The following XIRP2 variants were observed in gnomAD, a reference collection of about 807,000 sequenced individuals.
The protein encoded by XIRP2 is xin actin binding repeat containing 2, also known as xin actin-binding repeat-containing protein 2.
XIRP2 carries 236 observed loss-of-function variants against 277.0 expected under a neutral mutation model. The ratio of observed to expected loss-of-function variants is 0.85; its 90% CI spans 0.77 to 0.95. The LOEUF is 0.95. XIRP2 is among the 40% of genes least tolerant of loss of function. The probability of loss-of-function intolerance (pLI) is 0.00; values close to 1 mark genes in which losing one functional copy is unlikely to be tolerated. For missense variants in XIRP2, 4,640 were observed against 4,157.5 expected, an observed-to-expected ratio of 1.12 and a Z score of -3.19; for synonymous variants, 1,490 against 1,416.5, an observed-to-expected ratio of 1.05 and a Z score of -1.17.
At chr2:167,113,713 G>A (rs1234391582) in intron 2 of XIRP2, among the ~76,000 whole-genome samples, 2 of 152,112 alleles carry the variant, frequency 1.3e-5, no homozygotes, top group Non-Finnish European at 2.9e-5. Flanking sequence ...AGACTTGTTT[G>A]TGTGGTTATT....
At chr2:167,009,659 G>A (rs2105467709) in intron 2 of XIRP2, among the ~76,000 whole-genome samples, 1 of 152,026 alleles carries the variant, frequency 6.6e-6, no homozygotes, top group South Asian at 2.1e-4. Context: ...CACAATGGTT[G>A]AACTAGTTTA....
At chr2:166,958,142 C>G (rs1181716646) in intron 2 of XIRP2, among the ~76,000 whole-genome samples, 1 of 151,892 alleles carries the variant, frequency 6.6e-6, no homozygotes. Flanking sequence ...TGAATTTTAG[C>G]TTGCTGCCTG....
At chr2:167,175,310 A>C (rs985050197) in intron 3 of XIRP2, among the ~76,000 whole-genome samples, 2 of 151,834 alleles carry the variant, frequency 1.3e-5, no homozygotes, top group Non-Finnish European at 2.9e-5. Context: ...TGATCCCTTT[A>C]CCATTATGTA....
chr2:166,936,310 T>G (rs1449790730), intron 2 of XIRP2, among the ~76,000 whole-genome samples: 1 of 152,226 alleles, frequency 6.6e-6, no homozygotes, highest in Non-Finnish European at 1.5e-5. Context: ...TTCTGGATAT[T>G]AGCCCTTTGT....
In XIRP2 at chr2:167,250,159, A is replaced by G. The variant is rs1391029909; in HGVS notation, c.8767A>G (p.Asn2923Asp). 1.9e-6 allele frequency: 3 copies of G among 1,613,458 alleles called. No individual in the cohort carries two copies. Among genetic ancestry groups the G allele is most frequent in the Non-Finnish European group, 2.5e-6 (3 of 1,179,700 alleles). The change falls in exon 9 of 11, where the codon AAC (asparagine) becomes GAC (aspartate). Residue 2923 changes from asparagine to aspartate, a missense_variant. Physicochemically the swap from Asn to Asp is conservative, Grantham distance 23. Transcript: ENST00000409195. ...TKDSKQEITQ[N>D]KSFFSSVKES... ...AGATTCAAAGCAAGAGATTACACAGAACAAATCTTTCTTTTCCTCTGTGAA... is the reference window on the plus strand; with the variant it reads ...AGATTCAAAGCAAGAGATTACACAGGACAAATCTTTCTTTTCCTCTGTGAA...
intron 9 of XIRP2, among the ~76,000 whole-genome samples, chr2:167,252,518 A>T (rs946653522): frequency 2.6e-5 from 4 of 151,898 alleles, no homozygotes; most frequent in African/African-American, 9.7e-5. Context: ...CTGATGCCAC[A>T]TTTTTTTCTA....
At chr2:167,114,067 T>A (rs1690829924) in intron 2 of XIRP2, among the ~76,000 whole-genome samples, 1 of 152,214 alleles carries the variant, frequency 6.6e-6, no homozygotes, top group Admixed American at 6.5e-5. Flanking sequence ...CATTTTATCT[T>A]TCATTTCAAT....
Position 167,243,759 on chromosome 2 carries a change from T to G in XIRP2, c.2367T>G (p.Ile789Met). The stretch of plus-strand genomic sequence containing the variant: ...CAATTAACAAAGATATCACAGAAAT[T>G]AAAGTTGTCCGAGGAATATCCATGG... ...LDTINKDITE[I>M]KVVRGISMEE... Residue 789 changes from isoleucine to methionine, a missense_variant, in exon 9 of 11, where the codon ATT becomes ATG. Transcript: ENST00000409195. The G allele has an allele frequency of 6.2e-7, 1 of 1,613,954 alleles. No individual in the cohort carries two copies. The highest frequency in any genetic ancestry group is 8.5e-7 in the Non-Finnish European group (1 of 1,179,944).
At chr2:166,917,389 T>G (rs1684917133) in intron 2 of XIRP2, among the ~76,000 whole-genome samples, 3 of 152,198 alleles carry the variant, frequency 2.0e-5, no homozygotes, top group Non-Finnish European at 4.4e-5. Flanking sequence ...TTTATGCAGC[T>G]TTTTCTTTGT....
At chr2:166,940,665 G>A (rs573292069) in intron 2 of XIRP2, among the ~76,000 whole-genome samples, 2 of 152,320 alleles carry the variant, frequency 1.3e-5, no homozygotes, top group East Asian at 1.9e-4. Flanking sequence ...CCTTCTAACA[G>A]TCAGGACCCT....
At chr2:167,163,108 C>G (rs114476222) in intron 3 of XIRP2, among the ~76,000 whole-genome samples, 15,029 of 152,152 alleles carry the variant, frequency 0.099, 789 homozygotes, top group South Asian at 0.15. Context: ...TTTCTAGTTT[C>G]AGGCTATTAA....
chr2:167,124,984 A>G (rs923838055), intron 2 of XIRP2, among the ~76,000 whole-genome samples: 30 of 152,262 alleles, frequency 2.0e-4, no homozygotes, highest in African/African-American at 6.7e-4. Context: ...GTTACTGAAA[A>G]GTCACTGGGA....
chr2:167,218,382 T>C (rs1694322114), intron 5 of XIRP2, 82 bp downstream of exon 5: 2 of 1,250,246 alleles, frequency 1.6e-6, no homozygotes, highest in Non-Finnish European at 2.1e-6. Flanking sequence ...TCTCCTTTCT[T>C]TAGTGATACA....
chr2:167,204,126 G>T (rs2105381570), intron 3 of XIRP2, among the ~76,000 whole-genome samples: 1 of 152,076 alleles, frequency 6.6e-6, no homozygotes, highest in South Asian at 2.1e-4. Flanking sequence ...CACTTCGCCT[G>T]GTTCTTAGGT....
At chr2:167,002,648 A>G (rs1220443762) in intron 2 of XIRP2, among the ~76,000 whole-genome samples, 3 of 151,906 alleles carry the variant, frequency 2.0e-5, no homozygotes, top group Non-Finnish European at 4.4e-5. Context: ...TCATTTATCA[A>G]TGTCTGGCTT....
At chr2:167,029,847 G>C (rs955388557) in intron 2 of XIRP2, among the ~76,000 whole-genome samples, 2 of 152,012 alleles carry the variant, frequency 1.3e-5, no homozygotes, top group African/African-American at 4.8e-5. Flanking sequence ...GGCATTTTTT[G>C]GTTGGTAGGC....
At chr2:167,226,714 T>C (rs1262621175) in intron 5 of XIRP2, among the ~76,000 whole-genome samples, 1 of 152,074 alleles carries the variant, frequency 6.6e-6, no homozygotes, top group Non-Finnish European at 1.5e-5. Context: ...CCAGGCTTCT[T>C]TGGGTTATGC....
chr2:167,184,513 AGG>A (rs1422338555), intron 3 of XIRP2: 1 of 710,182 alleles, frequency 1.4e-6, no homozygotes. Flanking sequence ...GAATTGCCAA[AGG>A]TTCTGCTGTT....
intron 2 of XIRP2, among the ~76,000 whole-genome samples, chr2:167,079,410 C>G (rs1191779391): frequency 1.3e-5 from 2 of 152,166 alleles, no homozygotes; most frequent in Non-Finnish European, 2.9e-5. Flanking sequence ...AGAATTGGTA[C>G]CAGCTCTTCT....
Sources: gnomAD v4.1 joint callset for allele counts (sites outside exome capture counted in the v4.1 genomes callset) on GRCh38, gnomAD v4.1.1 for gene constraint, MANE v1.5 for transcripts, NCBI Gene and HGNC (gene_info 2026-07-23, HGNC 2026-07-21) for gene names.